Variants in TENM4 observed in about 807,000 individuals in gnomAD.
The protein encoded by TENM4 is teneurin-4.
In TENM4, 82 loss-of-function variants were observed where a neutral mutation model predicts 243.3. The ratio of observed to expected loss-of-function variants is 0.34; its 90% confidence interval spans 0.28 to 0.40. The LOEUF (loss-of-function observed/expected upper bound fraction) is 0.40. Ranked by LOEUF, TENM4 falls within the 10% of genes least tolerant of loss-of-function variation. The probability of loss-of-function intolerance (pLI) is 1.00; values close to 1 mark genes in which losing one functional copy is unlikely to be tolerated. For synonymous variants in TENM4, 1,412 were observed against 1,456.3 expected, an observed-to-expected ratio of 0.97 and a Z score of 0.69; for missense variants, 3,138 against 3,673.3, an observed-to-expected ratio of 0.85 and a Z score of 3.77.
chr11:79,381,553 C>T (rs776929351), intron 1 of TENM4, among the ~76,000 whole-genome samples: 4 of 149,936 alleles, frequency 2.7e-5, no homozygotes, highest in Non-Finnish European at 5.9e-5. Context: ...AACTCTGGAC[C>T]GAATTTGGGG....
At chr11:78,761,339 C>A (rs946046675) in intron 18 of TENM4, among the ~76,000 whole-genome samples, 1 of 151,842 alleles carries the variant, frequency 6.6e-6, no homozygotes, top group African/African-American at 2.4e-5. Context: ...TCCCGGGTTC[C>A]CACCATTCTC....
intron 12 of TENM4, among the ~76,000 whole-genome samples, chr11:78,834,120 G>A (rs1290664776): frequency 6.6e-6 from 1 of 152,048 alleles, no homozygotes; most frequent in Non-Finnish European, 1.5e-5. Context: ...TACCTATTTT[G>A]TTCTATTTAT....
At chr11:79,037,860 C>A (rs1272307128) in intron 6 of TENM4, among the ~76,000 whole-genome samples, 1 of 152,168 alleles carries the variant, frequency 6.6e-6, no homozygotes, top group Admixed American at 6.5e-5. Context: ...GCATGAGAAT[C>A]ATCATAAAGA....
chr11:78,899,559 C>CCGGGGG (rs375147197), intron 7 of TENM4, among the ~76,000 whole-genome samples: 1 of 29,618 alleles, frequency 3.4e-5, no homozygotes, highest in African/African-American at 7.2e-5. Flanking sequence ...TCTCAAAAAG[C>CCGGGGG]GGGGGGGGGG....
At chr11:78,929,738 C>A (rs562903914) in intron 6 of TENM4, among the ~76,000 whole-genome samples, 8 of 152,182 alleles carry the variant, frequency 5.3e-5, no homozygotes, top group Non-Finnish European at 1.0e-4. Context: ...TAGATTTTCT[C>A]TTCAAGGATT....
chr11:78,931,480 T>C (rs1856668117), intron 6 of TENM4, among the ~76,000 whole-genome samples: 1 of 152,192 alleles, frequency 6.6e-6, no homozygotes, highest in African/African-American at 2.4e-5. Context: ...AGGTATAACA[T>C]TTGCATCAAA....
chr11:78,797,603 G>A (rs677542), intron 15 of TENM4, among the ~76,000 whole-genome samples: 19,618 of 152,168 alleles, frequency 0.13, 3,094 homozygotes, highest in African/African-American at 0.38. Flanking sequence ...TTAGCAGCAT[G>A]CTTGTCTGGG....
chr11:78,802,340 CCA>C (rs1384235637), intron 15 of TENM4, among the ~76,000 whole-genome samples: 1 of 152,230 alleles, frequency 6.6e-6, no homozygotes, highest in East Asian at 1.9e-4. Context: ...ATTACTATCT[CCA>C]TTTTTCAGAT....
intron 1 of TENM4, among the ~76,000 whole-genome samples, chr11:79,391,607 A>T (rs1201353964): frequency 6.6e-6 from 1 of 152,206 alleles, no homozygotes; most frequent in East Asian, 1.9e-4. Flanking sequence ...TTTTTTTATA[A>T]CTCATTGGGT....
intron 1 of TENM4, among the ~76,000 whole-genome samples, chr11:79,333,084 C>G (rs981674715): frequency 1.8e-4 from 28 of 152,236 alleles, no homozygotes; most frequent in Admixed American, 5.2e-4. Context: ...ATCACTGAAT[C>G]CCTAGAAGAG....
At chr11:79,385,542 A>G (rs1446847031) in intron 1 of TENM4, among the ~76,000 whole-genome samples, 1 of 152,206 alleles carries the variant, frequency 6.6e-6, no homozygotes, top group Non-Finnish European at 1.5e-5. Context: ...ACCCAGTTAG[A>G]ACAAGATTTT....
At chr11:79,364,940 TC>T (rs1263467636) in intron 1 of TENM4, among the ~76,000 whole-genome samples, 1 of 152,246 alleles carries the variant, frequency 6.6e-6, no homozygotes, top group Non-Finnish European at 1.5e-5. Flanking sequence ...CATTGCTTTT[TC>T]TTTAAAATTT....
At chr11:78,836,304 T>C (rs555913643) in intron 12 of TENM4, among the ~76,000 whole-genome samples, 20 of 152,266 alleles carry the variant, frequency 1.3e-4, no homozygotes, top group Admixed American at 1.1e-3. Flanking sequence ...CAGCCGAGAT[T>C]GCGCTGTTGC....
chr11:79,174,943 C>G (rs761099312), intron 3 of TENM4, among the ~76,000 whole-genome samples: 3 of 152,156 alleles, frequency 2.0e-5, no homozygotes, highest in Non-Finnish European at 4.4e-5. Flanking sequence ...CTCAGCTACC[C>G]CATATGACAA....
At chr11:79,317,482 G>C (rs559657884) in intron 1 of TENM4, among the ~76,000 whole-genome samples, 1 of 152,152 alleles carries the variant, frequency 6.6e-6, no homozygotes, top group Non-Finnish European at 1.5e-5. Context: ...TGCTTGATAT[G>C]ATGAGCAGAG....
intron 1 of TENM4, among the ~76,000 whole-genome samples, chr11:79,327,796 G>A (rs977655718): frequency 6.6e-6 from 1 of 152,084 alleles, no homozygotes; most frequent in African/African-American, 2.4e-5. Context: ...TCCTCTGTGG[G>A]TGTCCTGAAA....
intron 3 of TENM4, among the ~76,000 whole-genome samples, chr11:79,156,994 G>A (rs1413985719): frequency 6.6e-6 from 1 of 152,178 alleles, no homozygotes; most frequent in African/African-American, 2.4e-5. Flanking sequence ...GACCAAGCAT[G>A]ACACACAAGG....
At chr11:78,686,109 TG>T (rs1455202873) in intron 29 of TENM4, among the ~76,000 whole-genome samples, 10 of 152,180 alleles carry the variant, frequency 6.6e-5, no homozygotes, top group Admixed American at 3.3e-4. Flanking sequence ...CTCCATACCC[TG>T]GAGGAAGGAA....
chr11:79,056,633 A>G (rs1266664905), intron 6 of TENM4, among the ~76,000 whole-genome samples: 1 of 152,092 alleles, frequency 6.6e-6, no homozygotes, highest in Non-Finnish European at 1.5e-5. Context: ...CTGAGATTGT[A>G]TCAAAAAATG....
Sources: allele counts gnomAD v4.1 joint callset (sites outside exome capture counted in the v4.1 genomes callset), GRCh38; gene constraint gnomAD v4.1.1; transcripts MANE v1.5; gene names NCBI Gene and HGNC (gene_info 2026-07-23, HGNC 2026-07-21).